Variants in GALNT11 observed in about 807,000 individuals in gnomAD.
The protein encoded by GALNT11 is polypeptide N-acetylgalactosaminyltransferase 11.
A neutral mutation model predicts 72.7 loss-of-function variants in GALNT11; 47 were observed. The ratio of observed to expected loss-of-function variants is 0.65; its 90% CI spans 0.51 to 0.82. The LOEUF is 0.82. GALNT11 is among the 40% of genes least tolerant of loss of function. The pLI is 0.00. For missense variants in GALNT11, 677 were observed against 778.4 expected (o/e 0.87, Z 1.55); for synonymous variants, 270 against 286.6 (o/e 0.94, Z 0.58).
intron 1 of GALNT11, among the ~76,000 whole-genome samples, chr7:152,037,015 A>G (rs563906780): frequency 3.3e-5 from 5 of 152,158 alleles, no homozygotes; most frequent in Admixed American, 3.3e-4. Flanking sequence ...GTTTGCAAAT[A>G]CTTTCTCCTG....
At chr7:152,086,891 T>G (rs1427460221) in intron 1 of GALNT11, among the ~76,000 whole-genome samples, 4 of 152,236 alleles carry the variant, frequency 2.6e-5, no homozygotes, top group Admixed American at 2.6e-4. Context: ...TGTTGTTCTG[T>G]GCTAGTTTTT....
intron 1 of GALNT11, among the ~76,000 whole-genome samples, chr7:152,072,843 T>C (rs2084739014): frequency 6.6e-6 from 1 of 152,236 alleles, no homozygotes; most frequent in Admixed American, 6.5e-5. Flanking sequence ...TTTTTTACTT[T>C]GTGTGTGCTT....
At chr7:152,054,649 A>G (rs1475995654) in intron 1 of GALNT11, among the ~76,000 whole-genome samples, 1 of 151,538 alleles carries the variant, frequency 6.6e-6, no homozygotes, top group East Asian at 1.9e-4. Context: ...GTAGCTGGGA[A>G]CACAGGTGCA....
At chr7:152,065,178 CTCT>C (rs202092453) in intron 1 of GALNT11, among the ~76,000 whole-genome samples, 2,136 of 152,284 alleles carry the variant, frequency 0.014, 28 homozygotes, top group Non-Finnish European at 0.021. Flanking sequence ...CTCTAAACTT[CTCT>C]TCTTGCTTCA....
intron 1 of GALNT11, among the ~76,000 whole-genome samples, chr7:152,031,981 C>T (rs948350949): frequency 9.2e-5 from 14 of 152,302 alleles, no homozygotes; most frequent in Admixed American, 9.2e-4. Context: ...GTATTCGTTC[C>T]TTGCCAAGGG....
chr7:152,117,153 T>A lies in GALNT11; in HGVS notation c.1234-4T>A. 6 of 1,578,628 alleles carry A rather than the reference T, an allele frequency of 3.8e-6. No homozygotes were observed. Among genetic ancestry groups the A allele is most frequent in the Non-Finnish European group, 5.1e-6 (6 of 1,167,248 alleles). ...TTTCTTATTTTTACTTTTTTTAAAT[T>A]CAGGAGCAGTATTTTTCCTTAAGAC... On this transcript the variant is annotated splice_polypyrimidine_tract_variant and splice_region_variant and intron_variant, in intron 8 of 11. Transcript: ENST00000430044.
In GALNT11 at chr7:152,113,393, T is replaced by C. The variant is rs2129065665; in HGVS notation, c.1228T>C (p.Tyr410His). 1 of 1,613,208 alleles carries C rather than the reference T, an allele frequency of 6.2e-7. No homozygotes were observed. Among genetic ancestry groups the C allele is most frequent in the South Asian group, 1.1e-5 (1 of 90,810 alleles). Reference protein sequence around the residue: ...LRLAHVWLDEYKEQYFSLRPD... With the variant: ...LRLAHVWLDEHKEQYFSLRPD... ...GCTGGCACATGTCTGGTTGGATGAATACAAGGTGAGATGAAATTTCTTGTT... is the reference window on the plus strand; with the variant it reads ...GCTGGCACATGTCTGGTTGGATGAACACAAGGTGAGATGAAATTTCTTGTT... Residue 410 changes from tyrosine to histidine, a missense_variant, in exon 8 of 12, where the codon TAC becomes CAC. Tyr to His is a moderately conservative substitution (Grantham distance 83, BLOSUM62 2). Transcript: ENST00000430044.
chr7:152,081,922 A>C (rs1200782809), intron 1 of GALNT11, among the ~76,000 whole-genome samples: 1 of 152,130 alleles, frequency 6.6e-6, no homozygotes, highest in Admixed American at 6.5e-5. Flanking sequence ...TAATAAAAAT[A>C]TTTTCCTTTG....
At chr7:152,028,605 T>C (rs960573747) in intron 1 of GALNT11, among the ~76,000 whole-genome samples, 4 of 152,130 alleles carry the variant, frequency 2.6e-5, no homozygotes, top group African/African-American at 9.7e-5. Context: ...ATTGGTGCAT[T>C]TACAATCCTT....
chr7:152,057,004 ATTTTTTTTTT>A (rs71198754), intron 1 of GALNT11, among the ~76,000 whole-genome samples: 3 of 74,930 alleles, frequency 4.0e-5, no homozygotes, highest in Non-Finnish European at 8.1e-5. Flanking sequence ...ATGCCCAGCT[ATTTTTTTTTT>A]TTTTTTTTTT....
chr7:152,087,678 G>C (rs2085736638), intron 1 of GALNT11, among the ~76,000 whole-genome samples: 1 of 152,218 alleles, frequency 6.6e-6, no homozygotes, highest in African/African-American at 2.4e-5. Flanking sequence ...ATTGTGCTAA[G>C]TGAAGGGAAA....
chr7:152,099,553 T>G (rs2086658332), intron 2 of GALNT11, among the ~76,000 whole-genome samples: 1 of 131,616 alleles, frequency 7.6e-6, no homozygotes, highest in African/African-American at 2.9e-5. Flanking sequence ...TTTTTTTTTT[T>G]TTTTTTGTAT....
intron 1 of GALNT11, among the ~76,000 whole-genome samples, chr7:152,064,274 C>T (rs2084183300): frequency 6.6e-6 from 1 of 152,156 alleles, no homozygotes; most frequent in Non-Finnish European, 1.5e-5. Context: ...ACTAGGATTG[C>T]AACCCCTGCC....
intron 1 of GALNT11, among the ~76,000 whole-genome samples, chr7:152,075,388 C>G (rs182489821): frequency 6.6e-5 from 10 of 152,240 alleles, no homozygotes; most frequent in African/African-American, 2.2e-4. Flanking sequence ...CACATAGGCT[C>G]AGTGCTGCAA....
At chr7:152,076,658 G>A (rs2085000159) in intron 1 of GALNT11, among the ~76,000 whole-genome samples, 1 of 152,228 alleles carries the variant, frequency 6.6e-6, no homozygotes, top group South Asian at 2.1e-4. Context: ...GTTTGGGCCT[G>A]CCCTGCACGT....
chr7:152,114,483 T>C (rs565945396), intron 8 of GALNT11, among the ~76,000 whole-genome samples: 2 of 152,352 alleles, frequency 1.3e-5, no homozygotes, highest in South Asian at 2.1e-4. Flanking sequence ...TTCCTTTTTA[T>C]TGCCAAATAA....
intron 1 of GALNT11, among the ~76,000 whole-genome samples, chr7:152,087,039 A>G (rs1563063715): frequency 1.3e-5 from 2 of 152,168 alleles, no homozygotes; most frequent in Admixed American, 6.5e-5. Flanking sequence ...TTTTTCATTT[A>G]TTAACAAATA....
chr7:152,072,240 A>G (rs558381096), intron 1 of GALNT11, among the ~76,000 whole-genome samples: 478 of 150,964 alleles, frequency 3.2e-3, no homozygotes, highest in Non-Finnish European at 5.3e-3. Flanking sequence ...AATTGCTTCA[A>G]CCTGGGAGGT....
rs1375271096 is a variant in GALNT11 at position 152,122,195 on chromosome 7, T to A, written c.*518T>A. ...AAAAACTTCTATTATTTGTTTAGTATGTTGTAAGTAGATCATTTTAAAAAA... is the reference window on the plus strand; with the variant it reads ...AAAAACTTCTATTATTTGTTTAGTAAGTTGTAAGTAGATCATTTTAAAAAA... On this transcript the variant is annotated 3_prime_UTR_variant, in exon 12 of 12. Transcript: ENST00000430044. 6.6e-6 allele frequency: 1 copy of A among 152,174 alleles called. No individual in the cohort carries two copies. The highest frequency in any genetic ancestry group is 2.4e-5 in the African/African-American group (1 of 41,410). The allele number at this position is 152,174 out of a possible 1,614,324, so 9.4% of individuals were successfully genotyped here.
Sources: allele counts gnomAD v4.1 joint callset (sites outside exome capture counted in the v4.1 genomes callset), GRCh38; gene constraint gnomAD v4.1.1; transcripts MANE v1.5; gene names NCBI Gene and HGNC (gene_info 2026-07-23, HGNC 2026-07-21).